The following COL6A6 variants were observed in gnomAD, a reference collection of about 807,000 sequenced individuals.
The protein encoded by COL6A6 is collagen alpha-6(VI) chain.
COL6A6 carries 183 observed loss-of-function variants against 208.6 expected under a neutral mutation model. That is an observed-to-expected ratio of 0.88 (90% CI 0.78 to 0.99). The LOEUF (loss-of-function observed/expected upper bound fraction) is 0.99. COL6A6 is among the 50% of genes least tolerant of loss of function. The pLI, the probability that COL6A6 is intolerant of heterozygous loss-of-function variation, is 0.00. For synonymous variants in COL6A6, 973 were observed against 1,011.8 expected (o/e 0.96, Z 0.73); for missense variants, 2,816 against 2,815.2 (o/e 1.00, Z -0.01).
In COL6A6 at chr3:130,574,116, T is replaced by C. The variant is rs374419905; in HGVS notation, c.3138T>C (p.Asp1046=). ...GAATAGGAGCGGCCCAGTTTAGCGA[T>C]ACCTATCACCCGGAGTTTCCACTGG... ...RVRIGAAQFS[D]TYHPEFPLGT... The change falls in exon 8 of 37, where the codon GAT becomes GAC. Residue 1046 remains aspartate, a synonymous_variant. Coordinates refer to ENST00000358511, the MANE Select transcript of COL6A6 (RefSeq NM_001102608.3). The C allele has an allele frequency of 1.9e-6, 3 of 1,614,002 alleles. No individual in the cohort carries two copies. The highest frequency in any genetic ancestry group is 1.1e-5 in the South Asian group (1 of 91,076).
chr3:130,624,367 G>C (rs529973870), intron 24 of COL6A6, among the ~76,000 whole-genome samples: 2 of 152,208 alleles, frequency 1.3e-5, no homozygotes, highest in South Asian at 4.1e-4. Flanking sequence ...CTGAAGAATT[G>C]TTCAAGGCTG....
intron 1 of COL6A6, among the ~76,000 whole-genome samples, chr3:130,555,726 A>G (rs2062753134): frequency 6.6e-6 from 1 of 152,166 alleles, no homozygotes; most frequent in African/African-American, 2.4e-5. Context: ...CTTTAAAATC[A>G]TGAATTGAAT....
chr3:130,545,718 A>C (rs1383748178), intron 1 of COL6A6, among the ~76,000 whole-genome samples: 3 of 152,174 alleles, frequency 2.0e-5, no homozygotes, highest in Non-Finnish European at 4.4e-5. Flanking sequence ...CGGCCTCCCA[A>C]AGTGCTGGGA....
At chr3:130,560,181 A>G (rs1559987932) in intron 1 of COL6A6, among the ~76,000 whole-genome samples, 153 bp from the exon 2 acceptor site, 1 of 152,192 alleles carries the variant, frequency 6.6e-6, no homozygotes, top group East Asian at 1.9e-4. Flanking sequence ...TGTTTTCTCT[A>G]AGGCATTTCA....
At chr3:130,662,447 A>G (rs1177307643) in intron 35 of COL6A6, 139 bp downstream of exon 35, 1 of 760,120 alleles carries the variant, frequency 1.3e-6, no homozygotes, top group Non-Finnish European at 2.1e-6. Context: ...AGGAAAATAT[A>G]TAATGACGGA....
At chr3:130,599,446 T>C (rs2063942867) in intron 19 of COL6A6, among the ~76,000 whole-genome samples, 1 of 152,174 alleles carries the variant, frequency 6.6e-6, no homozygotes, top group Non-Finnish European at 1.5e-5. Flanking sequence ...GCTTTAGTTA[T>C]CCACACTGTG....
At position 130,672,136 on chromosome 3, in the gene COL6A6, G is replaced by C. The variant is rs533461340; in HGVS notation, c.6597-3066G>C. ...TTTCAGTGCATCCAGTCAACTAATA[G>C]ATGTAGCATGGCTGACTCTTGAATA... On this transcript the variant is annotated intron_variant, in intron 36 of 36. Coordinates refer to ENST00000358511, the MANE Select transcript of COL6A6 (RefSeq NM_001102608.3). Among the ~76,000 whole-genome samples the C allele has an allele frequency of 2.6e-5, 4 of 152,316 alleles. No individual in the cohort carries two copies. In the East Asian group the frequency reaches 7.7e-4, roughly 29 times the overall value.
At chr3:130,590,139 T>C in intron 12 of COL6A6, 5 of 303,262 alleles carry the variant, frequency 1.6e-5, no homozygotes, top group Non-Finnish European at 3.3e-5. Context: ...TGTGTTGACT[T>C]GAATGTTTAG....
At chr3:130,612,377 C>CTAA (rs1311539111) in intron 23 of COL6A6, among the ~76,000 whole-genome samples, 2 of 152,290 alleles carry the variant, frequency 1.3e-5, no homozygotes, top group African/African-American at 4.8e-5. Flanking sequence ...AATGGCTGAA[C>CTAA]TAATGTACAG....
intron 10 of COL6A6, among the ~76,000 whole-genome samples, chr3:130,584,781 A>AT (rs1462812976): frequency 2.6e-5 from 4 of 151,360 alleles, no homozygotes; most frequent in African/African-American, 9.7e-5. Context: ...CACCCGGCTA[A>AT]TTTTTTGTAT....
intron 2 of COL6A6, among the ~76,000 whole-genome samples, chr3:130,561,407 T>C (rs538587302): frequency 1.5e-4 from 23 of 152,314 alleles, no homozygotes; most frequent in Non-Finnish European, 2.8e-4. Flanking sequence ...AGTGGTTAGA[T>C]TTGGGTTATT....
intron 8 of COL6A6, among the ~76,000 whole-genome samples, chr3:130,580,067 T>C (rs1361197701): frequency 6.6e-6 from 1 of 152,238 alleles, no homozygotes; most frequent in African/African-American, 2.4e-5. Context: ...TCACTTGATG[T>C]CATTTTGGTA....
chr3:130,667,404 T>G (rs184631465), intron 36 of COL6A6, among the ~76,000 whole-genome samples: 111 of 152,206 alleles, frequency 7.3e-4, no homozygotes, highest in Non-Finnish European at 1.0e-3. Flanking sequence ...GCCTGGCTAA[T>G]TTTTTGTATT....
intron 36 of COL6A6, among the ~76,000 whole-genome samples, chr3:130,672,797 T>C (rs1576437324): frequency 6.7e-6 from 1 of 148,904 alleles, no homozygotes; most frequent in South Asian, 2.1e-4. Flanking sequence ...GATCAGGAGG[T>C]CAAGAAATCA....
At chr3:130,539,205 A>G (rs2107740377) in intron 1 of COL6A6, among the ~76,000 whole-genome samples, 1 of 152,332 alleles carries the variant, frequency 6.6e-6, no homozygotes, top group East Asian at 1.9e-4. Flanking sequence ...GAGCTAGAAA[A>G]TATAGCCCCC....
chr3:130,541,718 T>C (rs1184944421), intron 1 of COL6A6, among the ~76,000 whole-genome samples: 1 of 152,246 alleles, frequency 6.6e-6, no homozygotes, highest in Non-Finnish European at 1.5e-5. Flanking sequence ...CCTGTGCTTT[T>C]ATCTTCTGAA....
chr3:130,605,015 C>G (rs80249677), intron 20 of COL6A6, among the ~76,000 whole-genome samples: 6,031 of 152,280 alleles, frequency 0.04, 207 homozygotes, highest in African/African-American at 0.09. Context: ...GCCTAGTAAC[C>G]CTGCTACTTC....
intron 1 of COL6A6, among the ~76,000 whole-genome samples, chr3:130,527,890 C>CTTTTTTTTTTT (rs56110472): frequency 6.6e-4 from 38 of 57,810 alleles, no homozygotes; most frequent in Non-Finnish European, 8.4e-4. Flanking sequence ...GTTACTTTTC[C>CTTTTTTTTTTT]TTTTTTTTTT....
intron 1 of COL6A6, among the ~76,000 whole-genome samples, chr3:130,525,008 A>G (rs1363684985): frequency 6.6e-6 from 1 of 152,244 alleles, no homozygotes; most frequent in Non-Finnish European, 1.5e-5. Flanking sequence ...CAATGAACTC[A>G]GCACTTATTA....
Sources: gnomAD v4.1 joint callset for allele counts (sites outside exome capture counted in the v4.1 genomes callset) on GRCh38, gnomAD v4.1.1 for gene constraint, MANE v1.5 for transcripts, NCBI Gene and HGNC (gene_info 2026-07-23, HGNC 2026-07-21) for gene names.